Variants in PLEKHA6 observed in about 807,000 individuals in gnomAD.
The protein encoded by PLEKHA6 is pleckstrin homology domain-containing family A member 6.
Under a neutral mutation model 116.7 loss-of-function variants are expected in PLEKHA6, and 60 were observed. That is an observed-to-expected ratio of 0.51 (90% CI 0.42 to 0.64). The LOEUF (loss-of-function observed/expected upper bound fraction) is 0.64, where lower values mean the gene tolerates loss of function less well. Ranked by LOEUF, PLEKHA6 falls within the 30% of genes least tolerant of loss-of-function variation. The probability of loss-of-function intolerance (pLI) is 0.00; values close to 1 mark genes in which losing one functional copy is unlikely to be tolerated. For missense variants in PLEKHA6, 1,338 were observed against 1,422.7 expected (o/e 0.94, Z 0.96); for synonymous variants, 489 against 556.1 (o/e 0.88, Z 1.70).
chr1:204,374,498 T>G (rs1159226192), intron 1 of PLEKHA6, among the ~76,000 whole-genome samples: 1 of 152,078 alleles, frequency 6.6e-6, no homozygotes, highest in Non-Finnish European at 1.5e-5. Context: ...CCACCAAAAC[T>G]TACCCAGATT....
intron 1 of PLEKHA6, among the ~76,000 whole-genome samples, chr1:204,296,657 G>A (rs963721865): frequency 5.3e-5 from 8 of 152,168 alleles, no homozygotes; most frequent in Non-Finnish European, 7.4e-5. Context: ...GGCTGCAGAC[G>A]TGCTCTGTGT....
Position 204,261,429 on chromosome 1 carries a change from C to T in PLEKHA6, c.401G>A (p.Arg134His), listed in dbSNP as rs752681069. ...HTFKAEHAGV[R>H]TYFFSAESPE... ...GCTCTCGGCACTGAAGAAGTAGGTG[C>T]GGACCCCGGCATGCTCAGCCTGTGG... The change falls in exon 7 of 23, where the codon CGC becomes CAC. Residue 134 changes from arginine (R) to histidine (H), a missense_variant. Coordinates refer to ENST00000272203, the MANE Select transcript of PLEKHA6 (RefSeq NM_014935.5). This position sits in a 1 kb window ranked among gnomAD's most constrained non-coding sequence, Gnocchi z 4.0. 18 of 1,611,854 alleles carry T rather than the reference C, an allele frequency of 1.1e-5. No individual in the cohort carries two copies. The highest frequency in any genetic ancestry group is 1.4e-5 in the Non-Finnish European group (17 of 1,178,662).
chr1:204,248,480 G>C (rs1030374545), intron 12 of PLEKHA6, among the ~76,000 whole-genome samples: 2 of 152,184 alleles, frequency 1.3e-5, no homozygotes, highest in Non-Finnish European at 2.9e-5. Context: ...CCAGTGCTTT[G>C]CTTCTCCGAG....
At chr1:204,231,320 G>C (rs1661153081) in intron 17 of PLEKHA6, among the ~76,000 whole-genome samples, 1 of 152,190 alleles carries the variant, frequency 6.6e-6, no homozygotes, top group South Asian at 2.1e-4. Context: ...GCATAGAAAA[G>C]AAAGCTTCTA....
At chr1:204,352,391 GAA>G (rs1673309062) in intron 1 of PLEKHA6, among the ~76,000 whole-genome samples, 1 of 150,736 alleles carries the variant, frequency 6.6e-6, no homozygotes, top group African/African-American at 2.4e-5. Flanking sequence ...AAAAAGAAAA[GAA>G]AAAAGAAAAA....
At chr1:204,303,928 T>C (rs1351437254) in intron 1 of PLEKHA6, among the ~76,000 whole-genome samples, 2 of 152,142 alleles carry the variant, frequency 1.3e-5, no homozygotes, top group African/African-American at 4.8e-5. Context: ...TTGCCCAGGC[T>C]TGTCTTGAAC....
At chr1:204,352,262 C>T (rs3125169) in intron 1 of PLEKHA6, among the ~76,000 whole-genome samples, 34,550 of 151,308 alleles carry the variant, frequency 0.23, 6,583 homozygotes, top group African/African-American at 0.53. Context: ...GTAATCCCAG[C>T]TACTCAGGAG....
chr1:204,266,479 C>T (rs1666836096), intron 5 of PLEKHA6, among the ~76,000 whole-genome samples: 1 of 152,178 alleles, frequency 6.6e-6, no homozygotes, highest in African/African-American at 2.4e-5. Flanking sequence ...TCCACTGTGG[C>T]CCCGTATCCT....
intron 1 of PLEKHA6, among the ~76,000 whole-genome samples, chr1:204,281,833 A>C (rs1668652700): frequency 1.3e-5 from 2 of 152,124 alleles, no homozygotes; most frequent in Admixed American, 6.5e-5. Flanking sequence ...ACTCGGCTGC[A>C]TGTCTAGGAG....
chr1:204,353,858 G>A (rs1308980468), intron 1 of PLEKHA6, among the ~76,000 whole-genome samples: 1 of 152,034 alleles, frequency 6.6e-6, no homozygotes, highest in Non-Finnish European at 1.5e-5. Flanking sequence ...CACCAAAGCA[G>A]GTTTTTCTTC....
chr1:204,282,614 C>T (rs1668742077), intron 1 of PLEKHA6: 2 of 980,390 alleles, frequency 2.0e-6, no homozygotes, highest in Non-Finnish European at 2.4e-6. Context: ...AATATCATTC[C>T]CGGGTACAGC....
intron 1 of PLEKHA6, chr1:204,309,524 G>A (rs1251621583): frequency 1.3e-5 from 2 of 153,254 alleles, no homozygotes; most frequent in African/African-American, 2.4e-5. Context: ...ATGCGGTACA[G>A]GTTTAAGCAA....
At chr1:204,337,826 A>G (rs559284407) in intron 1 of PLEKHA6, among the ~76,000 whole-genome samples, 1 of 152,206 alleles carries the variant, frequency 6.6e-6, no homozygotes, top group Non-Finnish European at 1.5e-5. Context: ...CAACGCACAC[A>G]CCCAAAGATG....
intron 1 of PLEKHA6, among the ~76,000 whole-genome samples, chr1:204,308,843 C>T (rs1671527806): frequency 1.3e-5 from 2 of 151,858 alleles, no homozygotes; most frequent in Admixed American, 1.3e-4. Context: ...CACCCACCAT[C>T]ACGCCCGGCT....
intron 1 of PLEKHA6, among the ~76,000 whole-genome samples, chr1:204,316,525 A>T (rs1671866864): frequency 1.3e-5 from 2 of 152,224 alleles, no homozygotes; most frequent in African/African-American, 4.8e-5. Context: ...CACCACCCAG[A>T]GCTGGCAGAG....
At chr1:204,318,040 G>A (rs868153500) in intron 1 of PLEKHA6, among the ~76,000 whole-genome samples, 2 of 152,184 alleles carry the variant, frequency 1.3e-5, no homozygotes, top group Non-Finnish European at 2.9e-5. Flanking sequence ...GTGTGTACAC[G>A]TGCGTGCATG....
intron 1 of PLEKHA6, chr1:204,297,342 C>A: frequency 2.8e-6 from 1 of 362,158 alleles, no homozygotes; most frequent in Non-Finnish European, 3.8e-6. Context: ...TTTCTCTTTC[C>A]AACAAGAAAT....
chr1:204,258,882 C>T (rs1217822674), intron 8 of PLEKHA6, among the ~76,000 whole-genome samples: 1 of 152,166 alleles, frequency 6.6e-6, no homozygotes, highest in Non-Finnish European at 1.5e-5. Flanking sequence ...GGGTGGAGCA[C>T]TGGGGAGAGG....
chr1:204,263,138 C>T (rs190214576), intron 6 of PLEKHA6, among the ~76,000 whole-genome samples: 9 of 152,222 alleles, frequency 5.9e-5, no homozygotes, highest in East Asian at 5.8e-4. Context: ...CAAAACATGC[C>T]GCGGGAAACA....
Sources: gnomAD v4.1 joint callset for allele counts (sites outside exome capture counted in the v4.1 genomes callset) on GRCh38, gnomAD v4.1.1 for gene constraint, Gnocchi (gnomAD v3.1) non-coding constraint, MANE v1.5 for transcripts, NCBI Gene and HGNC (gene_info 2026-07-23, HGNC 2026-07-21) for gene names.